Variants in LEPR observed in about 807,000 individuals in gnomAD.
The protein encoded by LEPR is OB receptor.
LEPR carries 56 observed loss-of-function variants against 114.7 expected under a neutral mutation model. The observed-to-expected ratio is 0.49, with a 90% CI of 0.39 to 0.61. The LOEUF (loss-of-function observed/expected upper bound fraction) is 0.61, where lower values mean the gene tolerates loss of function less well. Among genes scored for constraint, LEPR ranks in the 20% least tolerant of loss-of-function variants. The pLI is 0.00. For missense variants in LEPR, 1,202 were observed against 1,352.9 expected, an observed-to-expected ratio of 0.89 and a Z score of 1.75; for synonymous variants, 443 against 461.4, an observed-to-expected ratio of 0.96 and a Z score of 0.51.
intron 5 of LEPR, among the ~76,000 whole-genome samples, chr1:65,580,984 TC>T (rs1002358679): frequency 1.3e-5 from 2 of 152,136 alleles, no homozygotes; most frequent in African/African-American, 4.8e-5. Context: ...TGAAGGGCCC[TC>T]CAGGTCATGC....
chr1:65,622,868 T>TGAACACA, intron 18 of LEPR, 38 bp from the exon 19 acceptor site: 1 of 1,608,082 alleles, frequency 6.2e-7, no homozygotes, highest in Non-Finnish European at 8.5e-7. Flanking sequence ...AATATGGATG[T>TGAACACA]TTTTCTCTAA....
At chr1:65,427,313 C>T (rs1225270134) in intron 2 of LEPR, among the ~76,000 whole-genome samples, 1 of 152,174 alleles carries the variant, frequency 6.6e-6, no homozygotes, top group East Asian at 1.9e-4. Context: ...GTGGCTCATG[C>T]CTATAATCCC....
chr1:65,485,293 A>G (rs1647429660), intron 2 of LEPR, among the ~76,000 whole-genome samples: 2 of 152,304 alleles, frequency 1.3e-5, no homozygotes, highest in East Asian at 3.9e-4. Flanking sequence ...ACGTATCTTG[A>G]ATGCTTACCA....
At chr1:65,486,644 C>T (rs557160395) in intron 2 of LEPR, 27 of 152,280 alleles carry the variant, frequency 1.8e-4, no homozygotes, top group African/African-American at 6.5e-4. Flanking sequence ...AAATTCCTCT[C>T]CTGGGTATTT....
At chr1:65,504,182 C>T (rs558204860) in intron 2 of LEPR, among the ~76,000 whole-genome samples, 1 of 152,242 alleles carries the variant, frequency 6.6e-6, no homozygotes, top group South Asian at 2.1e-4. Flanking sequence ...CATAAATAAA[C>T]AGTCGAGTAA....
At chr1:65,455,216 C>T (rs990523298) in intron 2 of LEPR, among the ~76,000 whole-genome samples, 2 of 152,118 alleles carry the variant, frequency 1.3e-5, no homozygotes, top group African/African-American at 4.8e-5. Context: ...AACTTCTTTG[C>T]CTTTGGTTTG....
chr1:65,530,347 C>T (rs1343900401), intron 2 of LEPR, among the ~76,000 whole-genome samples: 1 of 152,134 alleles, frequency 6.6e-6, no homozygotes, highest in Admixed American at 6.5e-5. Context: ...CCAATCCAGA[C>T]CCCAAGAGAG....
chr1:65,502,304 A>G (rs1198121633), intron 2 of LEPR, among the ~76,000 whole-genome samples: 2 of 152,152 alleles, frequency 1.3e-5, no homozygotes, highest in Non-Finnish European at 2.9e-5. Context: ...ACCATTTGAG[A>G]AAATGACCAT....
intron 2 of LEPR, among the ~76,000 whole-genome samples, chr1:65,453,413 A>G (rs1169301363): frequency 1.3e-5 from 2 of 152,086 alleles, no homozygotes; most frequent in East Asian, 3.9e-4. Flanking sequence ...TCTTGTGGGC[A>G]TTTAGTGCTA....
chr1:65,610,174 T>C (rs746348410), intron 13 of LEPR, 40 bp from the exon 14 acceptor site: 2 of 1,614,142 alleles, frequency 1.2e-6, no homozygotes, highest in Non-Finnish European at 1.7e-6. Context: ...GGCTGAAAAG[T>C]ATTTCTTCAA....
intron 16 of LEPR, among the ~76,000 whole-genome samples, chr1:65,618,746 T>G (rs528137813): frequency 6.6e-6 from 1 of 152,310 alleles, no homozygotes; most frequent in South Asian, 2.1e-4. Flanking sequence ...CTCATTTCTT[T>G]CTACCATTAT....
chr1:65,514,106 A>G (rs1437595500), intron 2 of LEPR, among the ~76,000 whole-genome samples: 1 of 152,252 alleles, frequency 6.6e-6, no homozygotes, highest in Non-Finnish European at 1.5e-5. Flanking sequence ...TGCTCTTGGT[A>G]TGAGATTATA....
intron 2 of LEPR, among the ~76,000 whole-genome samples, chr1:65,498,778 C>T (rs1380142000): frequency 6.6e-6 from 1 of 152,080 alleles, no homozygotes. Context: ...CAGGTATATG[C>T]TTGACTCCAT....
intron 18 of LEPR, among the ~76,000 whole-genome samples, chr1:65,621,984 A>G (rs1030532221): frequency 1.3e-5 from 2 of 151,844 alleles, no homozygotes; most frequent in African/African-American, 4.8e-5. Context: ...TGGAGATGTT[A>G]TTTGTGGTTT....
At chr1:65,548,724 C>G (rs1470374995) in intron 2 of LEPR, among the ~76,000 whole-genome samples, 30 of 152,018 alleles carry the variant, frequency 2.0e-4, no homozygotes, top group Admixed American at 2.0e-3. Flanking sequence ...GATGGGTTTC[C>G]TGAATACAGC....
intron 2 of LEPR, among the ~76,000 whole-genome samples, chr1:65,483,221 A>AT (rs1647308071): frequency 6.6e-6 from 1 of 151,648 alleles, no homozygotes. Flanking sequence ...CTAGCAAATA[A>AT]TTAGTATTCA....
intron 10 of LEPR, among the ~76,000 whole-genome samples, chr1:65,603,615 A>G (rs902777553): frequency 6.6e-6 from 1 of 152,028 alleles, no homozygotes; most frequent in African/African-American, 2.4e-5. Context: ...TGGGGCCCCC[A>G]TGTGGACTAG....
chr1:65,582,521 A>G (rs1452506824), intron 5 of LEPR, among the ~76,000 whole-genome samples: 1 of 152,148 alleles, frequency 6.6e-6, no homozygotes, highest in Non-Finnish European at 1.5e-5. Flanking sequence ...GGCTTTCCTG[A>G]GAGTGAGCCA....
intron 19 of LEPR, among the ~76,000 whole-genome samples, chr1:65,632,256 G>A (rs1199285941): frequency 3.3e-5 from 5 of 152,054 alleles, no homozygotes; most frequent in Non-Finnish European, 4.4e-5. Context: ...GTGCATTTTC[G>A]AGTTAGAAGT....
Sources: gnomAD v4.1 joint callset for allele counts (sites outside exome capture counted in the v4.1 genomes callset) on GRCh38, gnomAD v4.1.1 for gene constraint, MANE v1.5 for transcripts, NCBI Gene and HGNC (gene_info 2026-07-23, HGNC 2026-07-21) for gene names.